Variants in FGFR2 observed in about 807,000 individuals in gnomAD.
The protein encoded by FGFR2 is fibroblast growth factor receptor 2, also known as BEK fibroblast growth factor receptor.
In FGFR2, 19 loss-of-function variants were observed where a neutral mutation model predicts 95.9. The ratio of observed to expected loss-of-function variants is 0.20; its 90% CI spans 0.14 to 0.29. FGFR2 has a LOEUF of 0.29. Ranked by LOEUF, FGFR2 falls within the 10% of genes least tolerant of loss-of-function variation. The pLI is 1.00. For missense variants in FGFR2, 707 were observed against 1,056.9 expected (o/e 0.67, Z 4.59); for synonymous variants, 392 against 393.3 (o/e 1.00, Z 0.04).
chr10:121,561,914 T>C (rs1004880710), intron 4 of FGFR2, among the ~76,000 whole-genome samples: 2 of 152,224 alleles, frequency 1.3e-5, no homozygotes, highest in Admixed American at 6.5e-5. Flanking sequence ...AGAAGATACA[T>C]GGATGGCAAT....
intron 10 of FGFR2, among the ~76,000 whole-genome samples, chr10:121,501,149 C>T (rs953924186): frequency 6.6e-5 from 10 of 152,092 alleles, no homozygotes; most frequent in African/African-American, 1.9e-4. Context: ...ACTGGTGGAA[C>T]GGCTATTAAA....
chr10:121,496,025 G>A (rs1448868608), intron 13 of FGFR2, among the ~76,000 whole-genome samples: 3 of 152,162 alleles, frequency 2.0e-5, no homozygotes, highest in East Asian at 1.9e-4. Flanking sequence ...CCCGCCAAAC[G>A]AGGCAAAATA....
In FGFR2 at chr10:121,485,986, C is replaced by T. The variant is rs1845358645; in HGVS notation, c.2058-454G>A. On this transcript the variant is annotated intron_variant, in intron 15 of 17. Transcript: ENST00000358487. This position sits in a 1 kb window ranked among gnomAD's most constrained non-coding sequence, Gnocchi z 4.2. ...TGGCGGAACATCTGCTGCACAGAGG[C>T]TCTGGAACTTACTAAGATCGCAAAG... 6.6e-6 allele frequency among the ~76,000 whole-genome samples: 1 copy of T among 152,208 alleles called. No homozygotes were observed. Among genetic ancestry groups the T allele is most frequent in the African/African-American group, 2.4e-5 (1 of 41,446 alleles).
chr10:121,488,153 A>G (rs1369299323), intron 13 of FGFR2, 40 bp from the exon 14 acceptor site: 5 of 1,606,308 alleles, frequency 3.1e-6, no homozygotes, highest in African/African-American at 2.8e-5. Flanking sequence ...ACTAATTTCA[A>G]AACACCGCCA....
intron 2 of FGFR2, among the ~76,000 whole-genome samples, chr10:121,588,309 C>T (rs754017659): frequency 6.6e-6 from 1 of 151,982 alleles, no homozygotes; most frequent in African/African-American, 2.4e-5. Context: ...GGCTTAATAC[C>T]TGGGTGATGA....
At chr10:121,488,820 C>G (rs1845765444) in intron 13 of FGFR2, among the ~76,000 whole-genome samples, 1 of 152,168 alleles carries the variant, frequency 6.6e-6, no homozygotes, top group African/African-American at 2.4e-5. Flanking sequence ...CACTTGCTCT[C>G]CTGCCCTTTA....
intron 6 of FGFR2, chr10:121,526,805 A>G: frequency 2.5e-6 from 1 of 398,566 alleles, no homozygotes; most frequent in Non-Finnish European, 4.4e-6. Flanking sequence ...GGCTTGGCAC[A>G]TGCTCGTTTT....
intron 5 of FGFR2, among the ~76,000 whole-genome samples, chr10:121,544,582 A>G (rs1854240555): frequency 6.6e-6 from 1 of 152,178 alleles, no homozygotes; most frequent in Non-Finnish European, 1.5e-5. Context: ...AAGGAAAAAT[A>G]TCCTGATTTC....
chr10:121,589,625 A>G (rs1564747626), intron 2 of FGFR2, among the ~76,000 whole-genome samples: 1 of 152,242 alleles, frequency 6.6e-6, no homozygotes, highest in Non-Finnish European at 1.5e-5. Flanking sequence ...GTATAAAATG[A>G]TACAAGTACC....
At chr10:121,481,360 T>C (rs1844649966) in intron 17 of FGFR2, among the ~76,000 whole-genome samples, 1 of 149,426 alleles carries the variant, frequency 6.7e-6, no homozygotes, top group East Asian at 2.0e-4. Context: ...AAAGAGCCCA[T>C]GGAATGTTGG....
At position 121,494,333 on chromosome 10, in the gene FGFR2, T is replaced by A. The variant is rs572596274; in HGVS notation, c.1863+2199A>T. 2.6e-5 allele frequency among the ~76,000 whole-genome samples: 4 copies of A among 152,252 alleles called. No individual in the cohort carries two copies. The South Asian group carries it at 8.3e-4, about 32-fold the overall frequency. ...TTGCCCCAGGAGGTCAAGGACTATG[T>A]CTCTTCTGGCCACTTCGCTGGAGAG... is the stretch of plus-strand genomic sequence containing the variant. On this transcript the variant is annotated intron_variant, in intron 13 of 17. Transcript: ENST00000358487.
chr10:121,551,037 G>A (rs896983697), intron 5 of FGFR2, among the ~76,000 whole-genome samples: 2 of 151,996 alleles, frequency 1.3e-5, no homozygotes, highest in Non-Finnish European at 2.9e-5. Context: ...TGGACAACAC[G>A]GTGAAACCCC....
chr10:121,567,342 G>T (rs766385290), intron 2 of FGFR2, among the ~76,000 whole-genome samples: 3 of 152,206 alleles, frequency 2.0e-5, no homozygotes, highest in Non-Finnish European at 4.4e-5. Context: ...CACAAAGAGA[G>T]AATCACAACA....
At chr10:121,523,971 C>T (rs1250074535) in intron 6 of FGFR2, among the ~76,000 whole-genome samples, 2 of 152,210 alleles carry the variant, frequency 1.3e-5, no homozygotes, top group East Asian at 1.9e-4. Flanking sequence ...CGCCAGGCTT[C>T]GGCAGGGAAT....
chr10:121,489,440 A>G (rs1845851656), intron 13 of FGFR2, among the ~76,000 whole-genome samples: 1 of 152,028 alleles, frequency 6.6e-6, no homozygotes. Context: ...CCCTCTTAGA[A>G]TCTCTGGCTG....
At chr10:121,569,025 G>A (rs767644460) in intron 2 of FGFR2, among the ~76,000 whole-genome samples, 5 of 152,026 alleles carry the variant, frequency 3.3e-5, no homozygotes, top group Non-Finnish European at 5.9e-5. Flanking sequence ...CCCAAATACT[G>A]GTTTATTATT....
chr10:121,545,810 A>G (rs1854415654), intron 5 of FGFR2, among the ~76,000 whole-genome samples: 1 of 152,216 alleles, frequency 6.6e-6, no homozygotes, highest in African/African-American at 2.4e-5. Context: ...GATTATAACA[A>G]AAGTTTTAAA....
At position 121,479,684 on chromosome 10, in the gene FGFR2, C is replaced by A. The variant is rs753575189; in HGVS notation, c.*173G>T. 1.3e-6 allele frequency: 2 copies of A among 1,562,396 alleles called. No homozygotes were observed. Among genetic ancestry groups the A allele is most frequent in the East Asian group, 2.4e-5 (1 of 41,908 alleles). On this transcript the variant is annotated 3_prime_UTR_variant, in exon 18 of 18. Transcript: ENST00000358487. ...CTTCTTCTCCTCCTGGGGAAGATTA[C>A]AAGTTTTCAACTGTATAAATCTTTA...
intron 2 of FGFR2, among the ~76,000 whole-genome samples, chr10:121,587,698 T>C (rs1365325883): frequency 6.6e-6 from 1 of 152,012 alleles, no homozygotes; most frequent in Non-Finnish European, 1.5e-5. Flanking sequence ...TGAGATACCA[T>C]CTCACACAAG....
Sources: allele counts gnomAD v4.1 joint callset (sites outside exome capture counted in the v4.1 genomes callset), GRCh38; gene constraint gnomAD v4.1.1; non-coding constraint Gnocchi (gnomAD v3.1); transcripts MANE v1.5; gene names NCBI Gene and HGNC (gene_info 2026-07-23, HGNC 2026-07-21).